SLC2A13: variants seen among roughly 807,000 people sequenced by gnomAD.
SLC2A13 encodes solute carrier family 2 member 13, also known as proton myo-inositol cotransporter.
In SLC2A13, 32 loss-of-function variants were observed where a neutral mutation model predicts 64.4. That is an observed-to-expected ratio of 0.50 (90% CI 0.37 to 0.67). The LOEUF is 0.67. Among genes scored for constraint, SLC2A13 ranks in the 30% least tolerant of loss-of-function variants. The pLI, the probability that SLC2A13 is intolerant of heterozygous loss-of-function variation, is 0.00. For missense variants in SLC2A13, 743 were observed against 829.2 expected (o/e 0.90, Z 1.28); for synonymous variants, 338 against 327.1 (o/e 1.03, Z -0.36).
At chr12:39,870,451 T>A (rs1156360899) in intron 5 of SLC2A13, among the ~76,000 whole-genome samples, 2 of 152,168 alleles carry the variant, frequency 1.3e-5, no homozygotes, top group Non-Finnish European at 1.5e-5. Flanking sequence ...ATAGCTCTGA[T>A]TATTGGGGAT....
chr12:39,854,389 A>G (rs1389189415), intron 6 of SLC2A13, among the ~76,000 whole-genome samples: 1 of 152,220 alleles, frequency 6.6e-6, no homozygotes, highest in African/African-American at 2.4e-5. Context: ...CCTGCTTAGA[A>G]TTATGCCCCC....
chr12:39,902,752 T>C (rs1383877205), intron 4 of SLC2A13, among the ~76,000 whole-genome samples: 1 of 152,090 alleles, frequency 6.6e-6, no homozygotes, highest in Non-Finnish European at 1.5e-5. Flanking sequence ...AAAGATATAA[T>C]GGGATTTAAA....
chr12:39,899,824 G>C (rs1945035288), intron 4 of SLC2A13, among the ~76,000 whole-genome samples: 1 of 152,140 alleles, frequency 6.6e-6, no homozygotes, highest in South Asian at 2.1e-4. Flanking sequence ...GCTCTAGTTT[G>C]ATTGCACTGT....
chr12:40,047,042 C>T (rs2136236032), intron 2 of SLC2A13, among the ~76,000 whole-genome samples: 1 of 152,138 alleles, frequency 6.6e-6, no homozygotes, highest in South Asian at 2.1e-4. Context: ...GGTGGAATTA[C>T]AGGTGTGTGC....
Position 39,961,241 on chromosome 12 carries a change from C to A in SLC2A13, c.926-9876G>T, listed in dbSNP as rs139385753. On this transcript the variant is annotated intron_variant, in intron 3 of 9. Coordinates refer to ENST00000280871, the MANE Select transcript of SLC2A13 (RefSeq NM_052885.4). ...TACAGGTGCACGCCACCACGCCCAG[C>A]TTATTTTTTATAATTTTGGTAGAGA... is the stretch of plus-strand genomic sequence containing the variant. Among the ~76,000 whole-genome samples the A allele has an allele frequency of 1.7e-3, 256 of 151,392 alleles. 1 individual carries two copies. The highest frequency in any genetic ancestry group is 6.0e-3 in the African/African-American group (248 of 41,252).
intron 1 of SLC2A13, among the ~76,000 whole-genome samples, chr12:40,068,792 A>C (rs1937843012): frequency 6.6e-6 from 1 of 151,880 alleles, no homozygotes; most frequent in African/African-American, 2.4e-5. Context: ...GACACAGCTG[A>C]TAAATATCAA....
intron 6 of SLC2A13, among the ~76,000 whole-genome samples, chr12:39,832,837 G>A (rs894114951): frequency 2.0e-5 from 3 of 151,994 alleles, no homozygotes; most frequent in Admixed American, 2.0e-4. Flanking sequence ...AGCCCTATAT[G>A]AATGCAAACA....
At chr12:40,033,969 G>A (rs1947940926) in intron 2 of SLC2A13, among the ~76,000 whole-genome samples, 1 of 152,074 alleles carries the variant, frequency 6.6e-6, no homozygotes, top group African/African-American at 2.4e-5. Flanking sequence ...CCGCATTTGT[G>A]CTCTGTTTCT....
At chr12:40,093,338 T>C (rs1938828850) in intron 1 of SLC2A13, among the ~76,000 whole-genome samples, 1 of 152,236 alleles carries the variant, frequency 6.6e-6, no homozygotes, top group South Asian at 2.1e-4. Context: ...CTCAAAATTA[T>C]TCCTTAGGAT....
At chr12:39,965,938 C>G (rs1037149369) in intron 3 of SLC2A13, among the ~76,000 whole-genome samples, 1 of 151,958 alleles carries the variant, frequency 6.6e-6, no homozygotes, top group Non-Finnish European at 1.5e-5. Context: ...CCTGAGTGCT[C>G]AGATTTAAAC....
rs112088117 is a variant in SLC2A13 at position 39,766,198 on chromosome 12, G to A, written c.1446-1340C>T. On this transcript the variant is annotated intron_variant, in intron 7 of 9. Coordinates refer to ENST00000280871, the MANE Select transcript of SLC2A13 (RefSeq NM_052885.4). ...CCTTTGGATTATCCTTTCAGTATTCGTTTACCTCACTGCTCAGCTTAGACC... is the reference window on the plus strand; with the variant it reads ...CCTTTGGATTATCCTTTCAGTATTCATTTACCTCACTGCTCAGCTTAGACC... Among the ~76,000 whole-genome samples, 1,167 of 151,966 alleles carry A rather than the reference G, an allele frequency of 7.7e-3. 16 individuals are homozygous for A. Among genetic ancestry groups the A allele is most frequent in the African/African-American group, 0.027 (1,100 of 41,460 alleles).
chr12:39,867,101 C>T (rs1325184173), intron 5 of SLC2A13, among the ~76,000 whole-genome samples: 1 of 152,110 alleles, frequency 6.6e-6, no homozygotes, highest in Non-Finnish European at 1.5e-5. Context: ...GAAGATCATA[C>T]CTCTCTCCTA....
chr12:39,999,854 C>T lies in SLC2A13; in HGVS notation c.925+28447G>A, dbSNP rs557975106. On this transcript the variant is annotated intron_variant, in intron 3 of 9. Transcript: ENST00000280871. ...TAATCCCTGTTCTTGTACACCCTCC[C>T]CTTTTGAAATCCTTAATAAAACTTG... is the stretch of plus-strand genomic sequence containing the variant. Among the ~76,000 whole-genome samples, 29 of 152,248 alleles carry T rather than the reference C, an allele frequency of 1.9e-4. 1 individual carries two copies. The South Asian group carries it at 3.9e-3, about 21-fold the overall frequency.
At chr12:39,915,621 G>A (rs911445032) in intron 4 of SLC2A13, among the ~76,000 whole-genome samples, 1 of 151,744 alleles carries the variant, frequency 6.6e-6, no homozygotes, top group Non-Finnish European at 1.5e-5. Context: ...ATTGTTCACT[G>A]GAAACTTAAA....
intron 4 of SLC2A13, among the ~76,000 whole-genome samples, chr12:39,918,626 A>G (rs1315339309): frequency 1.3e-5 from 2 of 152,114 alleles, no homozygotes; most frequent in Non-Finnish European, 2.9e-5. Flanking sequence ...GCTGCTCAAC[A>G]TACAGCAAAT....
Position 39,837,495 on chromosome 12 carries a change from C to G in SLC2A13, c.1320-7267G>C, listed in dbSNP as rs879545242. On this transcript the variant is annotated intron_variant, in intron 6 of 9. Transcript: ENST00000280871. ...AAAAGACAAAATTGACAAATGGGAT[C>G]TAATTAAACTAAAGAGCTTCTGCAC... Among the ~76,000 whole-genome samples, 193 of 139,210 alleles carry G rather than the reference C, an allele frequency of 1.4e-3. 2 individuals are homozygous for G. Among genetic ancestry groups the G allele is most frequent in the Middle Eastern group, 0.01 (3 of 290 alleles). 91.3% of individuals were successfully genotyped at this position (139,210 alleles called of 152,430 possible). A position where few individuals can be genotyped will look rare whatever the true frequency, so the allele number is the denominator to read the frequency against.
chr12:40,071,025 A>G (rs572340131), intron 1 of SLC2A13, among the ~76,000 whole-genome samples: 2 of 152,280 alleles, frequency 1.3e-5, no homozygotes, highest in East Asian at 3.9e-4. Flanking sequence ...TGGCCCTCTG[A>G]ACCCTCTTAC....
At chr12:40,015,192 T>C (rs1452811293) in intron 3 of SLC2A13, among the ~76,000 whole-genome samples, 1 of 152,102 alleles carries the variant, frequency 6.6e-6, no homozygotes, top group African/African-American at 2.4e-5. Context: ...TTCCAAGGAA[T>C]TCAACATGGG....
At chr12:39,992,834 G>C (rs2136169195) in intron 3 of SLC2A13, among the ~76,000 whole-genome samples, 1 of 152,168 alleles carries the variant, frequency 6.6e-6, no homozygotes, top group East Asian at 1.9e-4. Flanking sequence ...TTTTCCAAAT[G>C]TGTTAAAATT....
Sources: allele counts gnomAD v4.1 joint callset (sites outside exome capture counted in the v4.1 genomes callset), GRCh38; gene constraint gnomAD v4.1.1; transcripts MANE v1.5; gene names NCBI Gene and HGNC (gene_info 2026-07-23, HGNC 2026-07-21).